Variants in PPP2R1B observed in about 807,000 individuals in gnomAD.
PPP2R1B encodes protein phosphatase 2 scaffold subunit Abeta.
PPP2R1B carries 58 observed loss-of-function variants against 72.7 expected under a neutral mutation model. The ratio of observed to expected loss-of-function variants is 0.80; its 90% confidence interval spans 0.65 to 0.99. The LOEUF (loss-of-function observed/expected upper bound fraction) is 0.99. Ranked by LOEUF, PPP2R1B falls within the 50% of genes least tolerant of loss-of-function variation. The pLI is 0.00. For synonymous variants in PPP2R1B, 256 were observed against 264.6 expected (o/e 0.97, Z 0.32); for missense variants, 695 against 733.6 (o/e 0.95, Z 0.61).
Position 111,760,881 on chromosome 11 carries a change from T to C in PPP2R1B, c.477A>G (p.Ala159=), listed in dbSNP as rs868994631. The C allele has an allele frequency of 1.2e-6, 2 of 1,614,058 alleles. No homozygotes were observed. Among genetic ancestry groups the C allele is most frequent in the Non-Finnish European group, 1.7e-6 (2 of 1,180,044 alleles). The change falls in exon 4 of 15, where the codon GCA becomes GCG. Residue 159 remains alanine (A), a synonymous_variant. Coordinates refer to ENST00000527614, the MANE Select transcript of PPP2R1B (RefSeq NM_002716.5). ...SGDWFTSRTS[A]CGLFSVCYPR... ...GATAGCAAACGCTGAACAAACCACA[T>C]GCAGATGTGCGAGAGGTGAACCAAT...
chr11:111,759,875 T>C lies in PPP2R1B; in HGVS notation c.616A>G (p.Lys206Glu). ...AAASKLGEFA[K>E]VLELDSVKSE... Reference sequence around the variant, plus strand: ...TTCACACTGTCTAATTCCAAAACTTTTGCAAATTCACCCAATTTGGAAGCA... The same window carrying C: ...TTCACACTGTCTAATTCCAAAACTTCTGCAAATTCACCCAATTTGGAAGCA... Residue 206 changes from lysine (K) to glutamate (E), a missense_variant, in exon 5 of 15, where the codon AAA (lysine) becomes GAA (glutamate). By Grantham distance (56) the Lys-to-Glu change is moderately conservative (BLOSUM62 1). Transcript: ENST00000527614. 6.2e-7 allele frequency: 1 copy of C among 1,614,172 alleles called. No homozygotes were observed.
At chr11:111,724,327 T>A, downstream of PPP2R1B, 2 of 712,710 alleles carry the variant, frequency 2.8e-6, no homozygotes, top group Non-Finnish European at 4.5e-6. Context: ...AAGTTTTCTG[T>A]GGCAAGTGCT....
At chr11:111,763,558 A>G (rs1555051988) in intron 3 of PPP2R1B, among the ~76,000 whole-genome samples, 1 of 152,218 alleles carries the variant, frequency 6.6e-6, no homozygotes, top group Non-Finnish European at 1.5e-5. Flanking sequence ...TAGGCTGGTA[A>G]TAGGAGGGAT....
At position 111,766,375 on chromosome 11, in the gene PPP2R1B, C is replaced by G. The variant is rs1210103333; in HGVS notation, c.-14G>C. The G allele has an allele frequency of 8.2e-7, 1 of 1,214,078 alleles. No individual in the cohort carries two copies. The highest frequency in any genetic ancestry group is 1.1e-6 in the Non-Finnish European group (1 of 882,756). 75.2% of individuals were successfully genotyped at this position (1,214,078 alleles called of 1,614,324 possible). The stretch of plus-strand genomic sequence containing the variant: ...TGCGCCCGCCATGTTCTTTCTCCTC[C>G]TGCTGCTGGTCACCGCCTCCCGCCC... On this transcript the variant is annotated 5_prime_UTR_variant, in exon 1 of 15. Coordinates refer to ENST00000527614, the MANE Select transcript of PPP2R1B (RefSeq NM_002716.5).
At chr11:111,741,948 T>G in intron 14 of PPP2R1B, 105 bp downstream of exon 14, 1 of 1,021,398 alleles carries the variant, frequency 9.8e-7, no homozygotes, top group East Asian at 2.4e-5. Context: ...CCTCCCTGTT[T>G]CCCATAATAC....
intron 15 of PPP2R1B, chr11:111,730,401 G>C (rs1189169123): frequency 6.6e-6 from 1 of 152,204 alleles, no homozygotes; most frequent in Non-Finnish European, 1.5e-5. Context: ...GAAAGAAGTG[G>C]AGAGAAAGGT....
downstream of PPP2R1B, chr11:111,737,350 T>C: frequency 6.4e-7 from 1 of 1,565,052 alleles, no homozygotes; most frequent in Admixed American, 1.7e-5. Flanking sequence ...GAGGTGCTGC[T>C]TCTCCGCCTA....
chr11:111,703,263 C>G, the PPP2R1B span: 2 of 1,614,162 alleles, frequency 1.2e-6, no homozygotes, highest in Non-Finnish European at 1.7e-6. Context: ...CTAACCATAG[C>G]CCAAATCAAG....
the PPP2R1B span, among the ~76,000 whole-genome samples, chr11:111,709,850 G>C: frequency 6.6e-6 from 1 of 152,178 alleles, no homozygotes; most frequent in South Asian, 2.1e-4. Context: ...AGTAGTCCAG[G>C]TCGGATGTGA....
At position 111,739,507 on chromosome 11, in the gene PPP2R1B, C is replaced by T. The variant is rs943720334; in HGVS notation, c.*2089G>A. On this transcript the variant is annotated 3_prime_UTR_variant, in exon 15 of 15. Transcript: ENST00000527614. Reference sequence around the variant, plus strand: ...GGGTCACCACAAAAGACAGAGGCCCCGCTGAACCCCCGACCCATGCTTGAG... The same window carrying T: ...GGGTCACCACAAAAGACAGAGGCCCTGCTGAACCCCCGACCCATGCTTGAG... 3.2e-5 allele frequency: 32 copies of T among 985,244 alleles called. No individual in the cohort carries two copies. Among genetic ancestry groups the T allele is most frequent in the African/African-American group, 3.5e-5 (2 of 57,190 alleles). The allele number at this position is 985,244 out of a possible 1,614,324, so 61.0% of individuals were successfully genotyped here.
the PPP2R1B span, chr11:111,720,642 A>G: frequency 5.3e-5 from 85 of 1,613,932 alleles, no homozygotes; most frequent in Non-Finnish European, 6.9e-5. Context: ...TCCCTTCATA[A>G]GCCTGAGACC....
rs1944440960 is a variant in PPP2R1B, at chr11:111,739,278, C to A, written c.*2318G>T. The A allele has an allele frequency of 4.1e-6, 4 of 973,416 alleles. No individual in the cohort carries two copies. In the African/African-American group the frequency reaches 7.0e-5, roughly 17 times the overall value. 60.3% of individuals were successfully genotyped at this position (973,416 alleles called of 1,614,324 possible). ...AAAACAGACAAAAATACCAGCCTTA[C>A]AGAGCTCCTAAAGCCTATATTCCAG... On this transcript the variant is annotated 3_prime_UTR_variant, in exon 15 of 15. Transcript: ENST00000527614.
In PPP2R1B at chr11:111,766,334, C is replaced by T. The variant is rs1285605064; in HGVS notation, c.28G>A (p.Gly10Ser). The T allele has an allele frequency of 2.5e-6, 4 of 1,573,566 alleles. No individual in the cohort carries two copies. The East Asian group carries it at 6.9e-5, about 27-fold the overall frequency. ...CCATCTCCACCCGCTGCTCCTGGGC[C>T]GGTCCCGAGCTCTGATGCGCCCGCC... MAGASELGT[G>S]PGAAGGDGDD... The change falls in exon 1 of 15, where the codon GGC becomes AGC. Residue 10 changes from glycine to serine, a missense_variant. Coordinates refer to ENST00000527614, the MANE Select transcript of PPP2R1B (RefSeq NM_002716.5).
intron 2 of PPP2R1B, 102 bp downstream of exon 2, chr11:111,765,192 C>A: frequency 8.1e-7 from 1 of 1,231,800 alleles, no homozygotes; most frequent in Non-Finnish European, 1.2e-6. Flanking sequence ...CAAAAAACAC[C>A]TGGCTCATTT....
intron 3 of PPP2R1B, chr11:111,761,262 G>A (rs1195846993): frequency 6.0e-6 from 4 of 672,110 alleles, no homozygotes; most frequent in Non-Finnish European, 1.1e-5. Flanking sequence ...CCAAGATCTC[G>A]TGTCCCAGAT....
At chr11:111,726,804 A>C, downstream of PPP2R1B, 4 of 636,048 alleles carry the variant, frequency 6.3e-6, no homozygotes, top group Non-Finnish European at 1.1e-5. Context: ...TCACGTTAGC[A>C]GTGTGTACAC....
chr11:111,734,842 G>A (rs1944293792), downstream of PPP2R1B, among the ~76,000 whole-genome samples: 1 of 152,202 alleles, frequency 6.6e-6, no homozygotes, highest in Admixed American at 6.5e-5. Context: ...CAGCGCGAAG[G>A]CCCTGCCAGC....
the PPP2R1B span, among the ~76,000 whole-genome samples, chr11:111,715,307 G>GCACA: frequency 1.3e-5 from 2 of 151,776 alleles, no homozygotes; most frequent in African/African-American, 4.8e-5. Flanking sequence ...ATAAATAAGT[G>GCACA]CACACACACA....
chr11:111,707,165 A>G, the PPP2R1B span, among the ~76,000 whole-genome samples: 2 of 152,176 alleles, frequency 1.3e-5, no homozygotes, highest in East Asian at 1.9e-4. Flanking sequence ...AAATGCCACT[A>G]GACAAAAGGA....
Sources: gnomAD v4.1 joint callset for allele counts (sites outside exome capture counted in the v4.1 genomes callset) on GRCh38, gnomAD v4.1.1 for gene constraint, MANE v1.5 for transcripts, NCBI Gene and HGNC (gene_info 2026-07-23, HGNC 2026-07-21) for gene names.